The following CEP83 variants were observed in gnomAD, a reference collection of about 807,000 sequenced individuals.
The protein encoded by CEP83 is centrosomal protein 83.
CEP83 carries 70 observed loss-of-function variants against 101.9 expected under a neutral mutation model. The ratio of observed to expected loss-of-function variants is 0.69; its 90% CI spans 0.57 to 0.84. CEP83 has a LOEUF of 0.84. Among genes scored for constraint, CEP83 ranks in the 40% least tolerant of loss-of-function variants. The pLI is 0.00. For missense variants in CEP83, 715 were observed against 787.2 expected, an observed-to-expected ratio of 0.91 and a Z score of 1.10; for synonymous variants, 264 against 267.9, an observed-to-expected ratio of 0.99 and a Z score of 0.14.
rs147551685 is a variant in CEP83 at position 94,326,717 on chromosome 12, A to T, written c.1707+4983T>A. Among the ~76,000 whole-genome samples, 139 of 152,304 alleles carry T rather than the reference A, an allele frequency of 9.1e-4. 1 individual carries two copies. Among genetic ancestry groups the T allele is most frequent in the East Asian group, 5.0e-3 (26 of 5,174 alleles). On this transcript the variant is annotated intron_variant, in intron 14 of 16. Transcript: ENST00000397809. ...GAAATCTGGACACAGAGCTACAGATACACAGGGAGACCATCATGTAAAGAC... is the reference window on the plus strand; with the variant it reads ...GAAATCTGGACACAGAGCTACAGATTCACAGGGAGACCATCATGTAAAGAC...
chr12:94,424,040 T>C, intron 2 of CEP83: 2 of 1,611,914 alleles, frequency 1.2e-6, no homozygotes, highest in Admixed American at 3.3e-5. Flanking sequence ...GAGGTATGAA[T>C]GGTGGTGCAT....
intron 6 of CEP83, among the ~76,000 whole-genome samples, chr12:94,398,069 G>A (rs1374542982): frequency 6.6e-6 from 1 of 152,156 alleles, no homozygotes; most frequent in African/African-American, 2.4e-5. Flanking sequence ...TGAGGGTCTG[G>A]GTGGAAGATT....
chr12:94,312,480 G>T, intron 15 of CEP83: 1 of 555,640 alleles, frequency 1.8e-6, no homozygotes, highest in Non-Finnish European at 2.3e-6. Context: ...TAAAAATGCT[G>T]ATGATCCTGA....
At chr12:94,313,069 C>G in intron 14 of CEP83, 52 bp from the exon 15 acceptor site, 1 of 781,908 alleles carries the variant, frequency 1.3e-6, no homozygotes, top group Non-Finnish European at 2.1e-6. Flanking sequence ...CTTATTTGAA[C>G]AAAACTATAT....
chr12:94,371,162 T>C (rs915224330), intron 8 of CEP83, among the ~76,000 whole-genome samples: 1 of 152,212 alleles, frequency 6.6e-6, no homozygotes, highest in Non-Finnish European at 1.5e-5. Flanking sequence ...TGTGGAGGAA[T>C]GGCAGGGAAT....
intron 2 of CEP83, among the ~76,000 whole-genome samples, chr12:94,413,831 C>T (rs949074178): frequency 2.7e-5 from 3 of 113,038 alleles, no homozygotes; most frequent in South Asian, 2.7e-4. Flanking sequence ...TACATACACA[C>T]ACACACACAC....
intron 11 of CEP83, among the ~76,000 whole-genome samples, chr12:94,341,131 G>C (rs867930145): frequency 1.3e-5 from 2 of 152,056 alleles, no homozygotes; most frequent in African/African-American, 4.8e-5. Flanking sequence ...ATGTGCAGCG[G>C]AGCAGCCTTT....
At chr12:94,311,475 G>A (rs921228362) in intron 15 of CEP83, among the ~76,000 whole-genome samples, 2 of 152,148 alleles carry the variant, frequency 1.3e-5, no homozygotes, top group Non-Finnish European at 1.5e-5. Flanking sequence ...TGAAGTGGGG[G>A]GCAGTCTTGT....
chr12:94,413,829 C>T lies in CEP83; in HGVS notation c.-101-1238G>A, dbSNP rs761373458. On this transcript the variant is annotated intron_variant, in intron 2 of 16. Coordinates refer to ENST00000397809, the MANE Select transcript of CEP83 (RefSeq NM_016122.3). ...TTTCTCTAGTCCCATAATACATACA[C>T]ACACACACACACACACACACACACA... Among the ~76,000 whole-genome samples, 264 of 90,056 alleles carry T rather than the reference C, an allele frequency of 2.9e-3. 2 individuals are homozygous for T. The highest frequency in any genetic ancestry group is 0.012 in the Middle Eastern group (2 of 164). The allele number at this position is 90,056 out of a possible 152,430, so 59.1% of individuals were successfully genotyped here.
At chr12:94,331,357 C>CTTTTTTTTTTTT (rs1161292599) in intron 14 of CEP83, among the ~76,000 whole-genome samples, 4 of 66,806 alleles carry the variant, frequency 6.0e-5, no homozygotes, top group Non-Finnish European at 1.2e-4. Flanking sequence ...ACCTTTTTTC[C>CTTTTTTTTTTTT]TTTTTTTTTT....
At chr12:94,282,542 T>C in the CEP83 span, 1 of 622,634 alleles carries the variant, frequency 1.6e-6, no homozygotes, top group South Asian at 2.0e-5. Context: ...AAGTTTTCTT[T>C]CGTTGCTTGT....
At chr12:94,315,674 A>C (rs1376222389) in intron 14 of CEP83, among the ~76,000 whole-genome samples, 1 of 151,722 alleles carries the variant, frequency 6.6e-6, no homozygotes, top group Non-Finnish European at 1.5e-5. Context: ...TTTTCTCCCA[A>C]GTTTTCATCT....
intron 8 of CEP83, among the ~76,000 whole-genome samples, chr12:94,371,897 T>C (rs2061326426): frequency 6.6e-6 from 1 of 152,156 alleles, no homozygotes; most frequent in African/African-American, 2.4e-5. Flanking sequence ...CAATAAGACA[T>C]CCCTCCAAAT....
intron 6 of CEP83, 111 bp from the exon 7 acceptor site, chr12:94,379,153 G>T: frequency 1.0e-6 from 1 of 957,336 alleles, no homozygotes; most frequent in Non-Finnish European, 1.5e-6. Flanking sequence ...AAGCTCAGGT[G>T]CTGAAACAAA....
the CEP83 span, chr12:94,298,558 G>T: frequency 8.5e-7 from 1 of 1,183,370 alleles, no homozygotes; most frequent in Middle Eastern, 2.9e-4. Context: ...ATGTGGATTT[G>T]CTTTTGCTAT....
chr12:94,419,372 T>C (rs569240283), intron 2 of CEP83, among the ~76,000 whole-genome samples: 9 of 152,112 alleles, frequency 5.9e-5, no homozygotes, highest in South Asian at 2.1e-4. Flanking sequence ...AAAGACCTAA[T>C]AGAGATATGG....
intron 1 of CEP83, among the ~76,000 whole-genome samples, chr12:94,440,876 A>G (rs1010627464): frequency 6.6e-6 from 1 of 152,224 alleles, no homozygotes; most frequent in Non-Finnish European, 1.5e-5. Flanking sequence ...AAACAAAGCC[A>G]AGTACTTACA....
Position 94,368,110 on chromosome 12 carries a change from T to C in CEP83, c.1140A>G (p.Val380=). 1 of 1,613,432 alleles carries C rather than the reference T, an allele frequency of 6.2e-7. No individual in the cohort carries two copies. The highest frequency in any genetic ancestry group is 1.1e-5 in the South Asian group (1 of 91,000). Residue 380 remains valine (V), a synonymous_variant, in exon 10 of 17, where the codon GTA becomes GTG. Transcript: ENST00000397809. ...GATAACCTTCTTCTTTGGCAGCTTG[T>C]ACTTTACGTATTAATTCACGATCCT... ...VEKDRELIRK[V]QAAKEEGYQK...
intron 6 of CEP83, among the ~76,000 whole-genome samples, chr12:94,396,535 G>T (rs938057001): frequency 6.6e-6 from 1 of 151,862 alleles, no homozygotes. Flanking sequence ...TGATCCACCC[G>T]CCTCAGCCTC....
Sources: gnomAD v4.1 joint callset for allele counts (sites outside exome capture counted in the v4.1 genomes callset) on GRCh38, gnomAD v4.1.1 for gene constraint, MANE v1.5 for transcripts, NCBI Gene and HGNC (gene_info 2026-07-23, HGNC 2026-07-21) for gene names.